The following NEBL variants were observed in gnomAD, a reference collection of about 807,000 sequenced individuals.
NEBL encodes nebulette.
A neutral mutation model predicts 140.2 loss-of-function variants in NEBL; 122 were observed. That is an observed-to-expected ratio of 0.87 (90% CI 0.75 to 1.01). The LOEUF (loss-of-function observed/expected upper bound fraction) is 1.01, where lower values mean the gene tolerates loss of function less well. NEBL is among the 50% of genes least tolerant of loss of function. NEBL has a pLI of 0.00. For missense variants in NEBL, 1,365 were observed against 1,231.3 expected, an observed-to-expected ratio of 1.11 and a Z score of -1.62; for synonymous variants, 436 against 398.9, an observed-to-expected ratio of 1.09 and a Z score of -1.11.
chr10:20,875,362 C>T (rs1308566762), intron 5 of NEBL, among the ~76,000 whole-genome samples: 1 of 152,164 alleles, frequency 6.6e-6, no homozygotes, highest in Non-Finnish European at 1.5e-5. Context: ...GCTACATCAA[C>T]ACTCCCTTTT....
At chr10:21,048,935 G>A (rs568071613) in intron 2 of NEBL, among the ~76,000 whole-genome samples, 6 of 152,108 alleles carry the variant, frequency 3.9e-5, no homozygotes, top group African/African-American at 9.7e-5. Flanking sequence ...GCTTGAACCC[G>A]GGAGGTGGAG....
rs1481752525 is a variant in NEBL, at chr10:20,811,561, T to G, written c.2518+1208A>C. Among the ~76,000 whole-genome samples the G allele has an allele frequency of 9.9e-5, 15 of 152,230 alleles. 1 individual carries two copies. The highest frequency in any genetic ancestry group is 9.8e-4 in the Admixed American group (15 of 15,282). Reference sequence around the variant, plus strand: ...CAGATCAGCAAAGCTATCAATTGCCTACAAACATGTTTGGAATCCTTCTTC... The same window carrying G: ...CAGATCAGCAAAGCTATCAATTGCCGACAAACATGTTTGGAATCCTTCTTC... On this transcript the variant is annotated intron_variant, in intron 24 of 27. Transcript: ENST00000377122.
chr10:21,028,962 C>T (rs1335368380), intron 2 of NEBL: 4 of 545,316 alleles, frequency 7.3e-6, no homozygotes, highest in Non-Finnish European at 1.3e-5. Flanking sequence ...AGACAAAATG[C>T]TTTTTAAAAT....
At chr10:21,102,249 C>CT (rs1204626209) in intron 2 of NEBL, among the ~76,000 whole-genome samples, 5 of 152,260 alleles carry the variant, frequency 3.3e-5, no homozygotes, top group South Asian at 2.1e-4. Context: ...TCTATATCTT[C>CT]TTTTTTTAAC....
chr10:21,113,142 G>T, intron 2 of NEBL: 1 of 279,764 alleles, frequency 3.6e-6, no homozygotes, highest in Non-Finnish European at 6.8e-6. Context: ...AAGAGGAGGA[G>T]GAGGAGATTT....
rs1243736902 is a variant in NEBL, at chr10:20,784,509, A to G, written c.*1238T>C. On this transcript the variant is annotated 3_prime_UTR_variant, in exon 28 of 28. Coordinates refer to ENST00000377122, the MANE Select transcript of NEBL (RefSeq NM_006393.3). ...ATTTAGAAAATAAAAGCAAAAAAAA[A>G]TGGAAAAGGACGTCTTTTGATTAAC... The G allele has an allele frequency of 1.3e-5, 2 of 152,318 alleles. No homozygotes were observed. The highest frequency in any genetic ancestry group is 1.9e-4 in the East Asian group (1 of 5,186). 9.4% of individuals were successfully genotyped at this position (152,318 alleles called of 1,614,324 possible).
chr10:21,020,588 C>T (rs567673879), intron 2 of NEBL, among the ~76,000 whole-genome samples: 6 of 152,284 alleles, frequency 3.9e-5, no homozygotes, highest in Admixed American at 6.5e-5. Context: ...ATCTCCTCTC[C>T]GACTCATTCC....
chr10:20,787,178 G>C lies in NEBL; in HGVS notation c.2868+24C>G, dbSNP rs751008243. On this transcript the variant is annotated intron_variant, in intron 27 of 27. Coordinates refer to ENST00000377122, the MANE Select transcript of NEBL (RefSeq NM_006393.3). The stretch of plus-strand genomic sequence containing the variant: ...GGGAAATGGGAAGACCAGCTAAGGA[G>C]GAACGTATCAAATGGACACTTACTA... The C allele has an allele frequency of 6.5e-6, 10 of 1,539,184 alleles. No homozygotes were observed. In the East Asian group the frequency reaches 2.3e-4, roughly 35 times the overall value.
chr10:20,887,535 C>T lies in NEBL; in HGVS notation c.369+562G>A, dbSNP rs370213341. On this transcript the variant is annotated intron_variant, in intron 4 of 27. Coordinates refer to ENST00000377122, the MANE Select transcript of NEBL (RefSeq NM_006393.3). ...CCAGGCTCAAGCAATCCTCCCACCT[C>T]AGCCTCCTGAGTAGCTGGCACCACA... 1.8e-4 allele frequency among the ~76,000 whole-genome samples: 27 copies of T among 151,038 alleles called. No individual in the cohort carries two copies. The East Asian group carries it at 4.7e-3, about 26-fold the overall frequency.
intron 2 of NEBL, among the ~76,000 whole-genome samples, chr10:21,162,482 C>A (rs564923542): frequency 6.6e-6 from 1 of 152,208 alleles, no homozygotes; most frequent in South Asian, 2.1e-4. Context: ...TTGATGCTAA[C>A]TCCACATGGT....
chr10:21,130,458 T>A (rs1839051601), intron 2 of NEBL, among the ~76,000 whole-genome samples: 2 of 152,266 alleles, frequency 1.3e-5, no homozygotes, highest in African/African-American at 4.8e-5. Context: ...CACACTCTTT[T>A]CAAACCCACA....
chr10:21,011,958 C>A (rs1022775891), intron 3 of NEBL, among the ~76,000 whole-genome samples: 1 of 152,234 alleles, frequency 6.6e-6, no homozygotes, highest in African/African-American at 2.4e-5. Flanking sequence ...CTGGGAAATG[C>A]AACCCACATT....
At chr10:21,266,219 G>A (rs1842795204) in intron 1 of NEBL, among the ~76,000 whole-genome samples, 1 of 152,002 alleles carries the variant, frequency 6.6e-6, no homozygotes, top group South Asian at 2.1e-4. Context: ...CAGGCTCACT[G>A]CAACCTCTGC....
intron 2 of NEBL, among the ~76,000 whole-genome samples, chr10:21,106,746 G>A (rs892793936): frequency 6.6e-6 from 1 of 152,130 alleles, no homozygotes; most frequent in Non-Finnish European, 1.5e-5. Context: ...GCTTGATGGG[G>A]ATAGTATTGA....
chr10:20,872,077 C>A (rs950974403), intron 5 of NEBL, among the ~76,000 whole-genome samples: 1 of 151,922 alleles, frequency 6.6e-6, no homozygotes, highest in Non-Finnish European at 1.5e-5. Flanking sequence ...AAATGGAAAC[C>A]CTTACTTTTT....
At chr10:21,007,690 G>A (rs563528173) in intron 3 of NEBL, among the ~76,000 whole-genome samples, 2 of 152,202 alleles carry the variant, frequency 1.3e-5, no homozygotes, top group South Asian at 4.2e-4. Context: ...GATGAAAACA[G>A]ACATAAAAAA....
In NEBL at chr10:21,209,661, CT is replaced by C. The variant is rs796931946; in HGVS notation, n.349-37185del. 4.0e-3 allele frequency among the ~76,000 whole-genome samples: 494 copies of C among 124,402 alleles called. 1 individual carries two copies. The highest frequency in any genetic ancestry group is 0.012 in the African/African-American group (384 of 32,904). 81.6% of individuals were successfully genotyped at this position (124,402 alleles called of 152,430 possible). On this transcript the variant is annotated intron_variant and non_coding_transcript_variant, in intron 3 of 8. Coordinates refer to the NEBL transcript ENST00000675702. Reference sequence around the variant, plus strand: ...TAGGCACCTGACCTTTTTTTTTTTTCTTTTTTTTTTTTTTCTTTTTTTTACC... The same window carrying C: ...TAGGCACCTGACCTTTTTTTTTTTTCTTTTTTTTTTTTTCTTTTTTTTACC...
chr10:21,210,987 G>T (rs1841906457), intron 3 of NEBL, among the ~76,000 whole-genome samples: 1 of 152,128 alleles, frequency 6.6e-6, no homozygotes, highest in Non-Finnish European at 1.5e-5. Flanking sequence ...TGGAAACACT[G>T]TAAAATATTA....
At chr10:21,116,418 G>A (rs1019481926) in intron 2 of NEBL, among the ~76,000 whole-genome samples, 1 of 151,878 alleles carries the variant, frequency 6.6e-6, no homozygotes, top group Non-Finnish European at 1.5e-5. Flanking sequence ...TATCATAAAG[G>A]CCCTACTCTC....
Sources: allele counts gnomAD v4.1 joint callset (sites outside exome capture counted in the v4.1 genomes callset), GRCh38; gene constraint gnomAD v4.1.1; transcripts MANE v1.5; gene names NCBI Gene and HGNC (gene_info 2026-07-23, HGNC 2026-07-21).